Variants in PTPRD observed in about 807,000 individuals in gnomAD.
PTPRD encodes the protein protein tyrosine phosphatase receptor type D.
A neutral mutation model predicts 214.5 loss-of-function variants in PTPRD; 34 were observed. That is an observed-to-expected ratio of 0.16 (90% CI 0.12 to 0.21). The LOEUF is 0.21. Ranked by LOEUF, PTPRD falls within the 10% of genes least tolerant of loss-of-function variation. The pLI is 1.00. For synonymous variants in PTPRD, 1,128 were observed against 845.7 expected, an observed-to-expected ratio of 1.33 and a Z score of -5.79; for missense variants, 2,545 against 2,398.7, an observed-to-expected ratio of 1.06 and a Z score of -1.27.
intron 2 of PTPRD, among the ~76,000 whole-genome samples, chr9:10,558,635 T>C (rs943721230): frequency 2.0e-5 from 3 of 152,172 alleles, no homozygotes; most frequent in Non-Finnish European, 4.4e-5. Flanking sequence ...ACTTTTTGTC[T>C]ACCTACCAGA....
At chr9:10,063,650 A>T (rs892678618) in intron 3 of PTPRD, among the ~76,000 whole-genome samples, 1 of 152,032 alleles carries the variant, frequency 6.6e-6, no homozygotes, top group Non-Finnish European at 1.5e-5. Context: ...TATGTACTTG[A>T]TTACAAATAT....
In PTPRD at chr9:10,091,891, A is replaced by G. The variant is rs2098435787; in HGVS notation, c.-544-58101T>C. 2.0e-5 allele frequency among the ~76,000 whole-genome samples: 3 copies of G among 151,396 alleles called. No individual in the cohort carries two copies. The Admixed American group carries it at 2.0e-4, about 10-fold the overall frequency. ...AGAACCTGTCCTTTTTCTCTCCCGG[A>G]AATTATTAATGGATCCTTTAAAGGA... On this transcript the variant is annotated intron_variant, in intron 3 of 45. Transcript: ENST00000381196.
At chr9:10,251,717 T>C (rs1378841993) in intron 3 of PTPRD, among the ~76,000 whole-genome samples, 1 of 152,180 alleles carries the variant, frequency 6.6e-6, no homozygotes, top group Non-Finnish European at 1.5e-5. Flanking sequence ...AGTTTCCTAA[T>C]ATGGCCTTAG....
At chr9:8,623,507 T>G (rs1453186694) in intron 14 of PTPRD, among the ~76,000 whole-genome samples, 2 of 151,878 alleles carry the variant, frequency 1.3e-5, no homozygotes, top group African/African-American at 4.8e-5. Context: ...GCCAAAAAGT[T>G]CTGCTTCACA....
chr9:10,415,979 T>C (rs2098483314), intron 2 of PTPRD, among the ~76,000 whole-genome samples: 1 of 151,832 alleles, frequency 6.6e-6, no homozygotes, highest in Non-Finnish European at 1.5e-5. Flanking sequence ...AACAGCTTTA[T>C]CGAGTTTTAA....
At chr9:9,347,641 T>C (rs1422381422) in intron 9 of PTPRD, among the ~76,000 whole-genome samples, 2 of 152,090 alleles carry the variant, frequency 1.3e-5, no homozygotes, top group Non-Finnish European at 2.9e-5. Flanking sequence ...TAGAAGAATA[T>C]GGCTATAAGT....
intron 8 of PTPRD, among the ~76,000 whole-genome samples, chr9:9,497,078 G>C (rs975414013): frequency 2.0e-5 from 3 of 152,112 alleles, no homozygotes; most frequent in South Asian, 4.1e-4. Context: ...TTATTGTTGA[G>C]GGGTGTTTGG....
intron 9 of PTPRD, among the ~76,000 whole-genome samples, chr9:9,231,105 C>T (rs932878707): frequency 6.6e-6 from 1 of 151,960 alleles, no homozygotes; most frequent in Non-Finnish European, 1.5e-5. Flanking sequence ...AGTTAAAATG[C>T]CCGATTTTCA....
Position 8,408,668 on chromosome 9 carries a change from G to A in PTPRD, c.4087-4008C>T, listed in dbSNP as rs2093256748. 3.3e-5 allele frequency among the ~76,000 whole-genome samples: 5 copies of A among 152,212 alleles called. No individual in the cohort carries two copies. In the South Asian group the frequency reaches 1.0e-3, roughly 32 times the overall value. ...CAGCCAATCAAAAAGCCTCTTGAAA[G>A]ACAGATATTGGATGAACCCCATATA... On this transcript the variant is annotated intron_variant, in intron 35 of 45. Transcript: ENST00000381196.
chr9:10,031,645 TATAC>T (rs1290409951), intron 4 of PTPRD, among the ~76,000 whole-genome samples: 21 of 69,036 alleles, frequency 3.0e-4, no homozygotes, highest in East Asian at 7.7e-4. Flanking sequence ...TATATATATA[TATAC>T]ACACACACAC....
chr9:9,129,677 T>C (rs1198362319), intron 10 of PTPRD, among the ~76,000 whole-genome samples: 1 of 152,198 alleles, frequency 6.6e-6, no homozygotes, highest in East Asian at 1.9e-4. Flanking sequence ...AAATACCTTG[T>C]CTCTGAATCA....
chr9:8,829,132 A>G (rs2097233246), intron 11 of PTPRD, among the ~76,000 whole-genome samples: 2 of 152,178 alleles, frequency 1.3e-5, no homozygotes, highest in Admixed American at 6.5e-5. Context: ...AGTATAGCTT[A>G]TATAAGTGAA....
At chr9:8,765,761 A>G (rs1442960430) in intron 11 of PTPRD, among the ~76,000 whole-genome samples, 1 of 152,218 alleles carries the variant, frequency 6.6e-6, no homozygotes, top group African/African-American at 2.4e-5. Flanking sequence ...AGTCAGAAAA[A>G]GCTAACTACT....
intron 14 of PTPRD, among the ~76,000 whole-genome samples, chr9:8,605,738 T>C (rs1595075517): frequency 2.0e-5 from 3 of 152,344 alleles, no homozygotes; most frequent in African/African-American, 7.2e-5. Flanking sequence ...TCAGCACTCA[T>C]GCCATTACCT....
At chr9:9,094,167 G>C (rs113545905) in intron 10 of PTPRD, among the ~76,000 whole-genome samples, 3 of 152,230 alleles carry the variant, frequency 2.0e-5, no homozygotes, top group African/African-American at 7.2e-5. Flanking sequence ...ATTTGAAGTT[G>C]AAGTCTTCAA....
chr9:10,281,024 C>T (rs1384878596), intron 3 of PTPRD, among the ~76,000 whole-genome samples: 3 of 152,200 alleles, frequency 2.0e-5, no homozygotes, highest in African/African-American at 7.2e-5. Context: ...TAAACCAGCA[C>T]ATTCATCTAG....
chr9:10,494,698 G>A (rs931743570), intron 2 of PTPRD, among the ~76,000 whole-genome samples: 7 of 149,060 alleles, frequency 4.7e-5, no homozygotes, highest in South Asian at 4.2e-4. Flanking sequence ...TTTCTATTAC[G>A]GTATAAATGT....
chr9:10,283,781 G>C (rs2154395778), intron 3 of PTPRD, among the ~76,000 whole-genome samples: 1 of 152,268 alleles, frequency 6.6e-6, no homozygotes, highest in East Asian at 1.9e-4. Flanking sequence ...CTGAAGTAAA[G>C]TCCTTTCAAT....
At chr9:8,786,767 C>A (rs1434735230) in intron 11 of PTPRD, among the ~76,000 whole-genome samples, 1 of 139,790 alleles carries the variant, frequency 7.2e-6, no homozygotes, top group Non-Finnish European at 1.6e-5. Context: ...GGTGGGGGGG[C>A]GGGGGGCGAG....
Sources: gnomAD v4.1 joint callset for allele counts (sites outside exome capture counted in the v4.1 genomes callset) on GRCh38, gnomAD v4.1.1 for gene constraint, MANE v1.5 for transcripts, NCBI Gene and HGNC (gene_info 2026-07-23, HGNC 2026-07-21) for gene names.